Variants in DNHD1 observed in about 807,000 individuals in gnomAD.
The protein encoded by DNHD1 is dynein heavy chain domain 1.
In DNHD1, 383 loss-of-function variants were observed where a neutral mutation model predicts 458.1. That is an observed-to-expected ratio of 0.84 (90% CI 0.77 to 0.91). DNHD1 has a LOEUF of 0.91. DNHD1 is among the 40% of genes least tolerant of loss of function. The probability of loss-of-function intolerance (pLI) is 0.00; values close to 1 mark genes in which losing one functional copy is unlikely to be tolerated. For synonymous variants in DNHD1, 2,203 were observed against 2,376.9 expected, an observed-to-expected ratio of 0.93 and a Z score of 2.13; for missense variants, 5,336 against 5,866.1, an observed-to-expected ratio of 0.91 and a Z score of 2.95.
At chr11:6,500,857 T>C (rs1189930784) in intron 3 of DNHD1, among the ~76,000 whole-genome samples, 2 of 152,126 alleles carry the variant, frequency 1.3e-5, no homozygotes, top group African/African-American at 2.4e-5. Flanking sequence ...TAGGGAGATA[T>C]AGTTAAGTTG....
rs1589875974 is a variant in DNHD1 at position 6,528,300 on chromosome 11, T to C, written c.1838-222T>C. 1.3e-5 allele frequency among the ~76,000 whole-genome samples: 2 copies of C among 152,226 alleles called. 1 individual carries two copies. ...TGCTTAGACTAGCTAGAGTAAATTA[T>C]GTTATTTGCACATGAACCCTAACTA... On this transcript the variant is annotated intron_variant, in intron 10 of 42. Coordinates refer to ENST00000254579, the MANE Select transcript of DNHD1 (RefSeq NM_144666.3).
chr11:6,548,104 AAAC>A lies in DNHD1; in HGVS notation c.6905+65_6905+67del. ...GAGATGGACTGGCCCATGGAAGTAA[AAAC>A]CCACATGACATCACTGTTAGGGTAT... is the stretch of plus-strand genomic sequence containing the variant. On this transcript the variant is annotated intron_variant, in intron 22 of 42. Transcript: ENST00000254579. This position sits in a 1 kb window ranked among gnomAD's most constrained non-coding sequence, Gnocchi z 4.4. The A allele has an allele frequency of 6.5e-7, 1 of 1,548,888 alleles. No homozygotes were observed. Among genetic ancestry groups the A allele is most frequent in the Non-Finnish European group, 8.7e-7 (1 of 1,144,500 alleles).
chr11:6,552,259 C>T (rs1179439253), intron 24 of DNHD1, among the ~76,000 whole-genome samples: 1 of 134,292 alleles, frequency 7.4e-6, no homozygotes, highest in Non-Finnish European at 1.6e-5. Flanking sequence ...CATGGTGGCT[C>T]ACGCCTGTAA....
In DNHD1 at chr11:6,544,675, G is replaced by C; in HGVS notation, c.3852+4G>C. The C allele has an allele frequency of 6.4e-7, 1 of 1,551,048 alleles. No individual in the cohort carries two copies. The highest frequency in any genetic ancestry group is 8.7e-7 in the Non-Finnish European group (1 of 1,146,566). On this transcript the variant is annotated splice_donor_region_variant and intron_variant, in intron 20 of 42. Coordinates refer to ENST00000254579, the MANE Select transcript of DNHD1 (RefSeq NM_144666.3). ...CCAGTTTCCTAATGCTGACCTGGTA[G>C]GGAAGGGGGTTGAGGCAGAGAGGGC...
At chr11:6,561,170 T>A (rs1485503115) in intron 28 of DNHD1, among the ~76,000 whole-genome samples, 2 of 152,230 alleles carry the variant, frequency 1.3e-5, no homozygotes, top group Non-Finnish European at 2.9e-5. Context: ...GCACAGTGGC[T>A]CATGCCTGTA....
At chr11:6,502,514 G>A (rs1270369017) in intron 3 of DNHD1, among the ~76,000 whole-genome samples, 7 of 152,108 alleles carry the variant, frequency 4.6e-5, no homozygotes, top group Non-Finnish European at 1.0e-4. Context: ...AAAGGGAGAG[G>A]TTGCTCACAC....
intron 4 of DNHD1, among the ~76,000 whole-genome samples, chr11:6,504,425 G>T (rs947262958): frequency 6.6e-6 from 1 of 152,150 alleles, no homozygotes; most frequent in African/African-American, 2.4e-5. Context: ...CCTCAGCAAT[G>T]GTCTTTCACC....
chr11:6,512,575 C>G (rs1344154408), intron 7 of DNHD1, among the ~76,000 whole-genome samples: 4 of 152,028 alleles, frequency 2.6e-5, no homozygotes, highest in Non-Finnish European at 5.9e-5. Context: ...GTTGATTGCT[C>G]TGGTTGAAAT....
Position 6,568,863 on chromosome 11 carries a change from G to A in DNHD1, c.12860G>A (p.Arg4287His), listed in dbSNP as rs766696567. The A allele has an allele frequency of 8.1e-6, 13 of 1,606,736 alleles. No individual in the cohort carries two copies. Among genetic ancestry groups the A allele is most frequent in the Admixed American group, 5.1e-5 (3 of 59,312 alleles). The change falls in exon 39 of 43, where the codon CGC (arginine) becomes CAC (histidine). Residue 4287 changes from arginine (R) to histidine (H), a missense_variant. Coordinates refer to ENST00000254579, the MANE Select transcript of DNHD1 (RefSeq NM_144666.3). ...ACAAGGCTGCAGGCACACAGGGGGC[G>A]CTGGTGAGGGACCCCCACCCATTCC... Reference protein sequence around the residue: ...YGTRLQAHRGRWSQVTLTQVL... With the variant: ...YGTRLQAHRGHWSQVTLTQVL...
Position 6,529,216 on chromosome 11 carries a change from G to A in DNHD1, c.2347+95G>A, listed in dbSNP as rs141070974. ...CCTGGAATGTCCTCCGGAGACCTTC[G>A]GTGCAGGCCTCTTATTGGACCTATG... On this transcript the variant is annotated intron_variant, in intron 12 of 42. Coordinates refer to ENST00000254579, the MANE Select transcript of DNHD1 (RefSeq NM_144666.3). 70 of 1,356,382 alleles carry A rather than the reference G, an allele frequency of 5.2e-5. No individual in the cohort carries two copies. In the East Asian group the frequency reaches 1.3e-3, roughly 26 times the overall value. 84.0% of individuals were successfully genotyped at this position (1,356,382 alleles called of 1,614,324 possible).
rs966812532 is a variant in DNHD1, at chr11:6,564,022, C to T, written c.10182C>T (p.Cys3394=). 14 of 1,551,606 alleles carry T rather than the reference C, an allele frequency of 9.0e-6. No individual in the cohort carries two copies. The highest frequency in any genetic ancestry group is 4.1e-5 in the African/African-American group (3 of 73,066). Residue 3394 remains cysteine, a synonymous_variant, in exon 31 of 43, where the codon TGC becomes TGT. Transcript: ENST00000254579. ...MVEDAQASHN[C]VAKTLSQAQC... ...AGGATGCCCAAGCTTCCCACAACTG[C>T]GTGGCAAAGACCCTCAGTCAAGCAC...
intron 28 of DNHD1, 80 bp downstream of exon 28, chr11:6,559,363 G>C: frequency 1.7e-6 from 2 of 1,202,034 alleles, no homozygotes; most frequent in Non-Finnish European, 2.3e-6. Context: ...CAACCAGAAT[G>C]AACCTTAATT....
rs1853188431 is a variant in DNHD1, at chr11:6,545,385, G to C, written c.4446G>C (p.Lys1482Asn). The C allele has an allele frequency of 1.3e-6, 2 of 1,551,760 alleles. No homozygotes were observed. Among genetic ancestry groups the C allele is most frequent in the African/African-American group, 2.7e-5 (2 of 73,170 alleles). ...GCCCATCTCTAGGTGAGGCCCTCAA[G>C]CAACTGCCCAAGCAAAACAAGTTGT... ...ARGPSLGEALKQLPKQNKLYL... is the reference protein window; with the variant it reads ...ARGPSLGEALNQLPKQNKLYL... The change falls in exon 21 of 43, where the codon AAG (lysine) becomes AAC (asparagine). Residue 1482 changes from lysine to asparagine, a missense_variant. Lys to Asn is a moderately conservative substitution (Grantham distance 94, BLOSUM62 0). Coordinates refer to ENST00000254579, the MANE Select transcript of DNHD1 (RefSeq NM_144666.3). This position sits in a 1 kb window ranked among gnomAD's most constrained non-coding sequence, Gnocchi z 4.9.
intron 28 of DNHD1, 146 bp downstream of exon 28, chr11:6,559,429 C>T: frequency 1.4e-6 from 1 of 701,528 alleles, no homozygotes; most frequent in Non-Finnish European, 2.3e-6. Context: ...TCCGCTGCCT[C>T]CTCCTTTACA....
Position 6,564,547 on chromosome 11 carries a change from C to A in DNHD1, c.10499C>A (p.Pro3500His). The A allele has an allele frequency of 2.6e-6, 4 of 1,551,678 alleles. No homozygotes were observed. In the East Asian group the frequency reaches 9.8e-5, roughly 38 times the overall value. Residue 3500 changes from proline to histidine, a missense_variant, in exon 32 of 43, where the codon CCC (proline) becomes CAC (histidine). Transcript: ENST00000254579. ...TCTGTCAGCATACCACCAAAGAACC[C>A]CCTGCTGGCTACACACTCTCCCTTC... ...QKSVSIPPKN[P>H]LLATHSPFSI... is the part of the protein sequence containing the mutation.
chr11:6,544,089 T>C, intron 18 of DNHD1, 32 bp from the exon 19 acceptor site: 1 of 1,493,232 alleles, frequency 6.7e-7, no homozygotes, highest in Non-Finnish European at 9.0e-7. Flanking sequence ...CCTTGCCTCA[T>C]CTGACTGCCA....
rs1319784249 is a variant in DNHD1, at chr11:6,564,676, G to A, written c.10628G>A (p.Ser3543Asn). The A allele has an allele frequency of 1.3e-6, 2 of 1,551,610 alleles. No individual in the cohort carries two copies. The highest frequency in any genetic ancestry group is 1.7e-6 in the Non-Finnish European group (2 of 1,147,012). Residue 3543 changes from serine (S) to asparagine (N), a missense_variant, in exon 32 of 43, where the codon AGC becomes AAC. Coordinates refer to ENST00000254579, the MANE Select transcript of DNHD1 (RefSeq NM_144666.3). ...CACCTGGCAGGCTTGCTTCTGCGAA[G>A]CCCCACACACTACAGTAGTTGCCGT... The part of the protein sequence containing the change: ...SAHLAGLLLR[S>N]PTHYSSCRWP...
chr11:6,567,033 C>T lies in DNHD1; in HGVS notation c.11524C>T (p.Gln3842Ter). 1 of 1,614,056 alleles carries T rather than the reference C, an allele frequency of 6.2e-7. No homozygotes were observed. Among genetic ancestry groups the T allele is most frequent in the South Asian group, 1.1e-5 (1 of 91,088 alleles). The part of the protein sequence containing the change: ...HCEELEGQKL[Q>*]EMVLWAPYRP... Reference sequence around the variant, plus strand: ...TGAAGAGTTAGAAGGGCAGAAACTACAGGAGATGGTATTGTGGGCACCCTA... The same window carrying T: ...TGAAGAGTTAGAAGGGCAGAAACTATAGGAGATGGTATTGTGGGCACCCTA... The change falls in exon 36 of 43, where the codon CAG becomes TAG. Residue 3842 changes from glutamine (Q) to a stop codon, truncating the protein, a stop_gained. Coordinates refer to ENST00000254579, the MANE Select transcript of DNHD1 (RefSeq NM_144666.3). LOFTEE classifies it high-confidence loss of function.
rs368367159 is a variant in DNHD1, at chr11:6,570,774, C to T, written c.13262C>T (p.Ser4421Leu). The T allele has an allele frequency of 8.1e-6, 13 of 1,612,954 alleles. No individual in the cohort carries two copies. The highest frequency in any genetic ancestry group is 1.1e-5 in the Non-Finnish European group (13 of 1,179,520). Residue 4421 changes from serine (S) to leucine (L), a missense_variant, in exon 42 of 43, where the codon TCA (serine) becomes TTA (leucine). By Grantham distance (145) the Ser-to-Leu change is moderately radical. Transcript: ENST00000254579. The stretch of plus-strand genomic sequence containing the variant: ...CTCTTGAGTGCGCTGCAGCGGAGTT[C>T]ACCCGTGTGGGTTCCTGAGTCTCGA... ...RALLSALQRS[S>L]PVWVPESRRG... is the part of the protein sequence containing the mutation.
Sources: gnomAD v4.1 joint callset for allele counts (sites outside exome capture counted in the v4.1 genomes callset) on GRCh38, gnomAD v4.1.1 for gene constraint, Gnocchi (gnomAD v3.1) non-coding constraint, MANE v1.5 for transcripts, NCBI Gene and HGNC (gene_info 2026-07-23, HGNC 2026-07-21) for gene names.